Variants in CHODL observed in about 807,000 individuals in gnomAD.
CHODL encodes transmembrane protein MT75.
A neutral mutation model predicts 34.5 loss-of-function variants in CHODL; 29 were observed. The observed-to-expected ratio is 0.84, with a 90% CI of 0.63 to 1.15. CHODL has a LOEUF of 1.15. CHODL is among the 50% of genes most tolerant of loss of function. CHODL has a pLI of 0.00. For missense variants in CHODL, 332 were observed against 332.5 expected (o/e 1.00, Z 0.01); for synonymous variants, 125 against 116.1 (o/e 1.08, Z -0.49).
intron 2 of CHODL, among the ~76,000 whole-genome samples, chr21:18,142,378 C>A (rs1165688094): frequency 6.6e-6 from 1 of 152,082 alleles, no homozygotes; most frequent in Non-Finnish European, 1.5e-5. Flanking sequence ...ACCTACTTAT[C>A]CAATTATTGG....
intron 1 of CHODL, among the ~76,000 whole-genome samples, chr21:18,017,729 C>T (rs1425476344): frequency 2.0e-5 from 3 of 152,218 alleles, no homozygotes; most frequent in Non-Finnish European, 4.4e-5. Context: ...ACAGTGTGCC[C>T]ACTGGGCCAC....
chr21:18,101,293 A>G (rs2065210504), intron 2 of CHODL, among the ~76,000 whole-genome samples: 1 of 152,142 alleles, frequency 6.6e-6, no homozygotes, highest in Non-Finnish European at 1.5e-5. Flanking sequence ...TGGAACTGTA[A>G]GTCCAATAAA....
intron 1 of CHODL, among the ~76,000 whole-genome samples, chr21:17,969,463 T>C (rs939730517): frequency 5.3e-5 from 8 of 152,184 alleles, no homozygotes; most frequent in Admixed American, 2.0e-4. Context: ...ATGAAACAAA[T>C]TTGTAAGCAG....
chr21:18,177,992 C>T (rs2073337731), intron 2 of CHODL, among the ~76,000 whole-genome samples: 1 of 152,116 alleles, frequency 6.6e-6, no homozygotes, highest in Non-Finnish European at 1.5e-5. Context: ...TCAATATTTT[C>T]ATTTCCTCTC....
chr21:18,194,390 C>A (rs1290059838), intron 2 of CHODL, among the ~76,000 whole-genome samples: 1 of 152,170 alleles, frequency 6.6e-6, no homozygotes, highest in Non-Finnish European at 1.5e-5. Context: ...CCCCCTTGCC[C>A]TTTCTGTTCT....
intron 1 of CHODL, among the ~76,000 whole-genome samples, chr21:17,987,969 G>A (rs1441067243): frequency 6.6e-6 from 1 of 152,094 alleles, no homozygotes; most frequent in African/African-American, 2.4e-5. Context: ...AATTGAGGGT[G>A]GATGCATTGG....
chr21:18,108,896 C>T (rs9305841), intron 2 of CHODL, among the ~76,000 whole-genome samples: 54,358 of 150,952 alleles, frequency 0.36, 10,232 homozygotes, highest in Middle Eastern at 0.59. Context: ...TTCTTTCTCG[C>T]ACTATTTTGT....
upstream of CHODL, among the ~76,000 whole-genome samples, chr21:18,241,451 T>C (rs1311945890): frequency 6.6e-6 from 1 of 152,202 alleles, no homozygotes; most frequent in Non-Finnish European, 1.5e-5. Context: ...ATCTCAAATG[T>C]ATTAATGTAA....
At chr21:18,194,412 A>C (rs1449833187) in intron 2 of CHODL, among the ~76,000 whole-genome samples, 2 of 152,116 alleles carry the variant, frequency 1.3e-5, no homozygotes, top group Non-Finnish European at 2.9e-5. Flanking sequence ...TGAAGGAGCC[A>C]AGCTCATCCC....
At chr21:18,235,500 G>T (rs189652103) in intron 2 of CHODL, among the ~76,000 whole-genome samples, 36 of 152,158 alleles carry the variant, frequency 2.4e-4, no homozygotes, top group African/African-American at 8.4e-4. Context: ...TAACTCTTTG[G>T]ATTGGCTACA....
chr21:17,952,738 A>G (rs958282827), intron 1 of CHODL, among the ~76,000 whole-genome samples: 5 of 152,224 alleles, frequency 3.3e-5, no homozygotes, highest in African/African-American at 1.2e-4. Flanking sequence ...GATTATTTAA[A>G]GCAAGGTATT....
intron 1 of CHODL, among the ~76,000 whole-genome samples, chr21:18,250,767 A>T (rs1048902532): frequency 6.6e-6 from 1 of 151,826 alleles, no homozygotes; most frequent in African/African-American, 2.4e-5. Context: ...TATGAAAAAG[A>T]AAAAAATATC....
chr21:17,970,064 G>A (rs1168921318), intron 1 of CHODL, among the ~76,000 whole-genome samples: 1 of 152,072 alleles, frequency 6.6e-6, no homozygotes, highest in Non-Finnish European at 1.5e-5. Flanking sequence ...TGGATCCTGG[G>A]TATTCACTCT....
intron 2 of CHODL, among the ~76,000 whole-genome samples, chr21:18,083,206 C>T (rs563801361): frequency 1.3e-5 from 2 of 152,326 alleles, no homozygotes; most frequent in East Asian, 3.9e-4. Context: ...TCAGAGGGTG[C>T]AAGCCCCAAG....
intron 1 of CHODL, among the ~76,000 whole-genome samples, chr21:17,979,735 T>C (rs529120017): frequency 6.6e-6 from 1 of 152,320 alleles, no homozygotes; most frequent in South Asian, 2.1e-4. Flanking sequence ...AGGAATTATG[T>C]TTTGTATTGG....
intron 1 of CHODL, among the ~76,000 whole-genome samples, chr21:18,001,904 G>C (rs537201698): frequency 6.6e-6 from 1 of 150,902 alleles, no homozygotes; most frequent in Non-Finnish European, 1.5e-5. Context: ...TCTGGATATA[G>C]TCTATTTTCC....
At chr21:17,961,714 A>C (rs1262657947) in intron 1 of CHODL, among the ~76,000 whole-genome samples, 1 of 152,218 alleles carries the variant, frequency 6.6e-6, no homozygotes, top group South Asian at 2.1e-4. Context: ...AAAACCTTTA[A>C]AAGATGTCTT....
chr21:18,218,209 G>A (rs2073849415), intron 2 of CHODL, among the ~76,000 whole-genome samples: 1 of 152,244 alleles, frequency 6.6e-6, no homozygotes, highest in Non-Finnish European at 1.5e-5. Context: ...ACCTAGCAGA[G>A]GTTCTCCATG....
chr21:18,140,290 T>C (rs754709237), intron 2 of CHODL, among the ~76,000 whole-genome samples: 14 of 152,138 alleles, frequency 9.2e-5, no homozygotes, highest in Non-Finnish European at 2.1e-4. Context: ...GAGGCAAACT[T>C]GATAATCCCT....
Sources: gnomAD v4.1 joint callset for allele counts (sites outside exome capture counted in the v4.1 genomes callset) on GRCh38, gnomAD v4.1.1 for gene constraint, MANE v1.5 for transcripts, NCBI Gene and HGNC (gene_info 2026-07-23, HGNC 2026-07-21) for gene names.